The following CHST9 variants were observed in gnomAD, a reference collection of about 807,000 sequenced individuals.
The protein encoded by CHST9 is GalNAc-4-sulfotransferase 2.
CHST9 carries 41 observed loss-of-function variants against 44.4 expected under a neutral mutation model. The ratio of observed to expected loss-of-function variants is 0.92; its 90% CI spans 0.72 to 1.20. The LOEUF (loss-of-function observed/expected upper bound fraction) is 1.20. Ranked by LOEUF, CHST9 falls within the 50% of genes most tolerant of loss-of-function variation. CHST9 has a pLI of 0.00. For missense variants in CHST9, 504 were observed against 516.5 expected (o/e 0.98, Z 0.23); for synonymous variants, 171 against 178.4 (o/e 0.96, Z 0.33).
intron 1 of CHST9, among the ~76,000 whole-genome samples, chr18:27,145,872 C>G (rs1381206824): frequency 6.6e-6 from 1 of 152,162 alleles, no homozygotes; most frequent in Non-Finnish European, 1.5e-5. Context: ...ATGAAGCCAG[C>G]TTTCTCTTCT....
chr18:26,970,821 T>C (rs1370510554), intron 4 of CHST9, among the ~76,000 whole-genome samples: 1 of 152,174 alleles, frequency 6.6e-6, no homozygotes, highest in Non-Finnish European at 1.5e-5. Flanking sequence ...AGCCAGCACA[T>C]AGACATCCAT....
intron 2 of CHST9, among the ~76,000 whole-genome samples, chr18:27,093,909 G>A (rs72882394): frequency 0.068 from 10,254 of 151,032 alleles, 436 homozygotes; most frequent in East Asian, 0.14. Context: ...TTTAAACAAA[G>A]AGGCTGAGAG....
At chr18:27,046,492 G>C (rs115089145) in intron 3 of CHST9, among the ~76,000 whole-genome samples, 1 of 151,960 alleles carries the variant, frequency 6.6e-6, no homozygotes, top group Admixed American at 6.6e-5. Flanking sequence ...AGGGTGCAGG[G>C]TATATAGTAA....
chr18:27,064,195 A>G (rs1466084296), intron 2 of CHST9, among the ~76,000 whole-genome samples: 1 of 152,152 alleles, frequency 6.6e-6, no homozygotes, highest in Admixed American at 6.5e-5. Context: ...GATAGAGAAA[A>G]GAGTAATTTC....
intron 2 of CHST9, among the ~76,000 whole-genome samples, chr18:27,112,595 G>GTGTGTGTGTGTT (rs1427987064): frequency 5.3e-4 from 80 of 150,112 alleles, no homozygotes; most frequent in African/African-American, 1.9e-3. Context: ...GTGTGTGTGT[G>GTGTGTGTGTGTT]TGTGTGTGTG....
At chr18:27,109,027 T>C (rs2058246658) in intron 2 of CHST9, among the ~76,000 whole-genome samples, 1 of 152,180 alleles carries the variant, frequency 6.6e-6, no homozygotes, top group Non-Finnish European at 1.5e-5. Flanking sequence ...CACCAAAATA[T>C]CACGTGACAA....
intron 2 of CHST9, among the ~76,000 whole-genome samples, chr18:27,096,321 C>T (rs956480656): frequency 6.6e-6 from 1 of 151,104 alleles, no homozygotes; most frequent in Non-Finnish European, 1.5e-5. Flanking sequence ...TAAATGCCTA[C>T]CTCACAAAAA....
At chr18:27,154,629 C>T (rs554133040) in intron 1 of CHST9, among the ~76,000 whole-genome samples, 76 of 152,066 alleles carry the variant, frequency 5.0e-4, no homozygotes, top group African/African-American at 1.8e-3. Context: ...GATTATAGTC[C>T]AATATAAAAA....
chr18:27,058,460 C>T (rs1485808), intron 2 of CHST9, among the ~76,000 whole-genome samples: 50,853 of 152,060 alleles, frequency 0.33, 9,828 homozygotes, highest in Non-Finnish European at 0.45. Context: ...CTTGCTTACC[C>T]AGTCGGATAC....
intron 1 of CHST9, among the ~76,000 whole-genome samples, chr18:27,149,382 T>C (rs930794273): frequency 4.6e-5 from 7 of 152,184 alleles, no homozygotes; most frequent in African/African-American, 1.7e-4. Context: ...CTCATTCTTT[T>C]TCATGGCTGC....
chr18:27,178,923 T>G (rs982878697), intron 1 of CHST9, among the ~76,000 whole-genome samples: 4 of 152,052 alleles, frequency 2.6e-5, no homozygotes, highest in African/African-American at 4.8e-5. Flanking sequence ...AGTTCTTTTT[T>G]GCATAAGCAT....
intron 2 of CHST9, among the ~76,000 whole-genome samples, chr18:27,136,904 ACT>A (rs2058517572): frequency 6.6e-6 from 1 of 152,214 alleles, no homozygotes; most frequent in African/African-American, 2.4e-5. Flanking sequence ...ACTAAACTTG[ACT>A]CTGGAAAATC....
At chr18:26,952,730 CA>C (rs1351766522) in intron 4 of CHST9, among the ~76,000 whole-genome samples, 1 of 152,050 alleles carries the variant, frequency 6.6e-6, no homozygotes, top group Admixed American at 6.6e-5. Flanking sequence ...ATATTCATTC[CA>C]AAAAATATAA....
chr18:27,152,341 CT>C (rs11383019), intron 1 of CHST9, among the ~76,000 whole-genome samples: 158 of 148,986 alleles, frequency 1.1e-3, no homozygotes, highest in Admixed American at 4.7e-3. Context: ...AGTGTAGAGT[CT>C]TTTTTTTTTC....
At position 26,926,947 on chromosome 18, in the gene CHST9, T is replaced by A. The variant is rs181268579; in HGVS notation, c.241-9597A>T. Among the ~76,000 whole-genome samples, 12 of 152,320 alleles carry A rather than the reference T, an allele frequency of 7.9e-5. 1 individual carries two copies. In the East Asian group the frequency reaches 2.3e-3, roughly 29 times the overall value. On this transcript the variant is annotated intron_variant, in intron 5 of 5. Transcript: ENST00000618847. Reference sequence around the variant, plus strand: ...CATTGGATTTTAGATATCTAATGGATTTGGGATATGGCTCTTTAATATTTC... The same window carrying A: ...CATTGGATTTTAGATATCTAATGGAATTGGGATATGGCTCTTTAATATTTC...
chr18:27,036,870 C>T lies in CHST9; in HGVS notation c.160+11595G>A, dbSNP rs758654168. 6.6e-5 allele frequency among the ~76,000 whole-genome samples: 10 copies of T among 152,252 alleles called. No individual in the cohort carries two copies. In the East Asian group the frequency reaches 7.7e-4, roughly 12 times the overall value. Reference sequence around the variant, plus strand: ...AGTATTGTGAACTGTAGGTATGATGCTGTCCAGTGGATCTCTAGAACTTAT... The same window carrying T: ...AGTATTGTGAACTGTAGGTATGATGTTGTCCAGTGGATCTCTAGAACTTAT... On this transcript the variant is annotated intron_variant, in intron 3 of 5. Transcript: ENST00000618847.
intron 2 of CHST9, among the ~76,000 whole-genome samples, chr18:27,136,336 G>A (rs1383602901): frequency 6.6e-6 from 1 of 152,176 alleles, no homozygotes; most frequent in Non-Finnish European, 1.5e-5. Context: ...GTGGCACAGC[G>A]AGGCATCCCA....
At position 26,907,175 on chromosome 18, in the gene CHST9, G is replaced by T. The variant is rs961773356; in HGVS notation, c.*9084C>A. On this transcript the variant is annotated 3_prime_UTR_variant, in exon 6 of 6. Transcript: ENST00000618847. ...AACTTAGATATTAGCAGAATGGATG[G>T]GAGGAGAGGAGAAGCTTGAGAAAAA... 6.6e-6 allele frequency: 1 copy of T among 152,538 alleles called. No individual in the cohort carries two copies. Among genetic ancestry groups the T allele is most frequent in the South Asian group, 2.1e-4 (1 of 4,828 alleles). The allele number at this position is 152,538 out of a possible 1,614,324, so 9.4% of individuals were successfully genotyped here. A position where few individuals can be genotyped will look rare whatever the true frequency, so the allele number is the denominator to read the frequency against.
chr18:27,168,709 G>T (rs568373936), intron 1 of CHST9, among the ~76,000 whole-genome samples: 25 of 152,130 alleles, frequency 1.6e-4, no homozygotes, highest in African/African-American at 5.3e-4. Flanking sequence ...AATTATGAGA[G>T]AAACCTCAAT....
Sources: gnomAD v4.1 joint callset for allele counts (sites outside exome capture counted in the v4.1 genomes callset) on GRCh38, gnomAD v4.1.1 for gene constraint, MANE v1.5 for transcripts, NCBI Gene and HGNC (gene_info 2026-07-23, HGNC 2026-07-21) for gene names.